CPVL: variants seen among roughly 807,000 people sequenced by gnomAD.
CPVL encodes carboxypeptidase vitellogenic like.
Under a neutral mutation model 63.7 loss-of-function variants are expected in CPVL, and 51 were observed. That is an observed-to-expected ratio of 0.80 (90% confidence interval 0.64 to 1.01). CPVL has a LOEUF of 1.01. CPVL is among the 50% of genes least tolerant of loss of function. CPVL has a pLI of 0.00. For missense variants in CPVL, 530 were observed against 573.1 expected (o/e 0.92, Z 0.77); for synonymous variants, 195 against 206.0 (o/e 0.95, Z 0.46).
At chr7:29,105,957 G>A (rs1049917839) in intron 3 of CPVL, among the ~76,000 whole-genome samples, 4 of 152,220 alleles carry the variant, frequency 2.6e-5, no homozygotes, top group African/African-American at 9.7e-5. Flanking sequence ...GGGCTAGGGA[G>A]AGTGCTCACA....
chr7:29,077,493 A>G (rs1454701145), intron 7 of CPVL, among the ~76,000 whole-genome samples: 3 of 152,154 alleles, frequency 2.0e-5, no homozygotes, highest in African/African-American at 7.2e-5. Flanking sequence ...AGGTGGAAAG[A>G]GGGAGTTGTC....
Position 29,044,423 on chromosome 7 carries a change from AT to A in CPVL, c.1138-13665del, listed in dbSNP as rs1333712764. Among the ~76,000 whole-genome samples, 5 of 152,174 alleles carry A rather than the reference AT, an allele frequency of 3.3e-5. 1 individual carries two copies. Among genetic ancestry groups the A allele is most frequent in the African/African-American group, 1.2e-4 (5 of 41,446 alleles). On this transcript the variant is annotated intron_variant, in intron 11 of 12. Coordinates refer to ENST00000265394, the MANE Select transcript of CPVL (RefSeq NM_031311.5). Reference sequence around the variant, plus strand: ...CAGAGTGAGACTCTGTCTCAAAAAAATAATAATAAAAAGAGTCAGCAAAGCT... The same window carrying A: ...CAGAGTGAGACTCTGTCTCAAAAAAAAATAATAAAAAGAGTCAGCAAAGCT...
chr7:29,062,986 C>T (rs1782779570), intron 11 of CPVL, among the ~76,000 whole-genome samples: 1 of 152,132 alleles, frequency 6.6e-6, no homozygotes, highest in South Asian at 2.1e-4. Context: ...GAGACGATCC[C>T]TTGGGCAAAG....
intron 7 of CPVL, among the ~76,000 whole-genome samples, chr7:29,074,109 G>C (rs1169427719): frequency 1.3e-5 from 2 of 152,172 alleles, no homozygotes; most frequent in Admixed American, 6.6e-5. Flanking sequence ...GGCTCAGAGA[G>C]GTTAAGTTGT....
chr7:29,035,699 CA>C (rs1788463525), intron 11 of CPVL, among the ~76,000 whole-genome samples: 1 of 152,224 alleles, frequency 6.6e-6, no homozygotes, highest in Non-Finnish European at 1.5e-5. Flanking sequence ...TGGACAATTA[CA>C]GGGTATGGAT....
intron 5 of CPVL, among the ~76,000 whole-genome samples, chr7:29,166,341 G>C (rs956031953): frequency 2.0e-5 from 3 of 152,118 alleles, no homozygotes; most frequent in African/African-American, 7.2e-5. Context: ...GGATAGCAAA[G>C]TGTTTTATCC....
intron 9 of CPVL, among the ~76,000 whole-genome samples, chr7:29,068,310 C>T (rs12700923): frequency 0.47 from 71,329 of 151,964 alleles, 20,246 homozygotes; most frequent in Non-Finnish European, 0.63. Flanking sequence ...CCACCGCCCC[C>T]GGCCTGTATT....
At chr7:29,137,277 G>A (rs1414013380) in intron 1 of CPVL, among the ~76,000 whole-genome samples, 1 of 152,188 alleles carries the variant, frequency 6.6e-6, no homozygotes, top group Non-Finnish European at 1.5e-5. Flanking sequence ...AGGGGCATCT[G>A]AATGGGAAAT....
At chr7:29,172,273 G>A (rs1405859087) in intron 5 of CPVL, among the ~76,000 whole-genome samples, 3 of 152,200 alleles carry the variant, frequency 2.0e-5, no homozygotes, top group Non-Finnish European at 2.9e-5. Flanking sequence ...CATGGTTGCT[G>A]TGGGCATCAC....
chr7:29,190,738 C>G lies in CPVL; in HGVS notation c.-447-4191G>C, dbSNP rs188541399. Among the ~76,000 whole-genome samples the G allele has an allele frequency of 1.7e-3, 263 of 152,298 alleles. 2 individuals are homozygous for G. The highest frequency in any genetic ancestry group is 5.9e-3 in the African/African-American group (245 of 41,548). Reference sequence around the variant, plus strand: ...CTTTTGCTGCAGATGTGTTGTTACTCATTGTCTTGTAGCTCAGTGGTCACA... The same window carrying G: ...CTTTTGCTGCAGATGTGTTGTTACTGATTGTCTTGTAGCTCAGTGGTCACA... On this transcript the variant is annotated intron_variant, in intron 1 of 16. Coordinates refer to the CPVL transcript ENST00000409850.
chr7:29,056,069 G>T (rs748554423), intron 11 of CPVL, among the ~76,000 whole-genome samples: 15 of 152,110 alleles, frequency 9.9e-5, no homozygotes, highest in Non-Finnish European at 2.1e-4. Context: ...TAGCAAAATT[G>T]AGTGTAAAGT....
intron 7 of CPVL, among the ~76,000 whole-genome samples, chr7:29,074,793 T>C (rs1213995550): frequency 6.6e-6 from 1 of 150,690 alleles, no homozygotes; most frequent in African/African-American, 2.5e-5. Context: ...GGCATTATAC[T>C]AGATACTTGA....
At chr7:29,000,223 G>A (rs1312986516) in intron 12 of CPVL, among the ~76,000 whole-genome samples, 2 of 152,068 alleles carry the variant, frequency 1.3e-5, no homozygotes, top group African/African-American at 4.8e-5. Flanking sequence ...ACAAAGACCT[G>A]CCAGTAAAGG....
At chr7:29,048,256 T>C (rs1170749894) in intron 11 of CPVL, among the ~76,000 whole-genome samples, 1 of 152,144 alleles carries the variant, frequency 6.6e-6, no homozygotes, top group Non-Finnish European at 1.5e-5. Flanking sequence ...ATGCTCCACT[T>C]AAAAGATACA....
intron 3 of CPVL, among the ~76,000 whole-genome samples, chr7:29,102,998 G>T (rs1222654368): frequency 6.6e-6 from 1 of 151,966 alleles, no homozygotes; most frequent in Non-Finnish European, 1.5e-5. Flanking sequence ...CTGCCCTATT[G>T]TTCCCCAGAT....
chr7:29,000,966 T>C (rs193246820), intron 12 of CPVL: 1 of 152,262 alleles, frequency 6.6e-6, no homozygotes, highest in African/African-American at 2.4e-5. Context: ...GTTTGCATTG[T>C]AGAAAAATGA....
chr7:29,016,480 G>A (rs1786425461), intron 12 of CPVL, among the ~76,000 whole-genome samples: 1 of 152,198 alleles, frequency 6.6e-6, no homozygotes, highest in Non-Finnish European at 1.5e-5. Context: ...ATTGGTGAGG[G>A]CTTTCCAGAA....
chr7:29,071,709 A>ACGC, intron 9 of CPVL, 64 bp downstream of exon 9: 1 of 472,932 alleles, frequency 2.1e-6, no homozygotes, highest in Non-Finnish European at 4.2e-6. Context: ...GTTCCTGCTC[A>ACGC]CCCGCCCTCC....
intron 5 of CPVL, among the ~76,000 whole-genome samples, chr7:29,167,481 A>G (rs1231413105): frequency 1.3e-5 from 2 of 152,198 alleles, no homozygotes; most frequent in African/African-American, 2.4e-5. Context: ...CCATATTTGA[A>G]TATGTCTTTG....
Sources: gnomAD v4.1 joint callset for allele counts (sites outside exome capture counted in the v4.1 genomes callset) on GRCh38, gnomAD v4.1.1 for gene constraint, MANE v1.5 for transcripts, NCBI Gene and HGNC (gene_info 2026-07-23, HGNC 2026-07-21) for gene names.